RCAN2: variants seen among roughly 807,000 people sequenced by gnomAD.
RCAN2 encodes regulator of calcineurin 2, also known as calcipressin-2.
Under a neutral mutation model 23.6 loss-of-function variants are expected in RCAN2, and 9 were observed. The ratio of observed to expected loss-of-function variants is 0.38; its 90% CI spans 0.23 to 0.67. RCAN2 has a LOEUF of 0.67. Among genes scored for constraint, RCAN2 ranks in the 30% least tolerant of loss-of-function variants. RCAN2 has a pLI of 0.51. For synonymous variants in RCAN2, 109 were observed against 115.7 expected (o/e 0.94, Z 0.37); for missense variants, 273 against 302.3 (o/e 0.90, Z 0.72).
At chr6:46,227,211 G>T (rs1256342193) in intron 4 of RCAN2, among the ~76,000 whole-genome samples, 2 of 152,114 alleles carry the variant, frequency 1.3e-5, no homozygotes, top group African/African-American at 2.4e-5. Flanking sequence ...GAGGATTTTT[G>T]CATTGATGTT....
chr6:46,427,822 T>A (rs900682151), intron 2 of RCAN2, among the ~76,000 whole-genome samples: 2 of 152,382 alleles, frequency 1.3e-5, no homozygotes, highest in Admixed American at 1.3e-4. Context: ...AGACATTGTC[T>A]GTTGATTCCA....
At chr6:46,291,434 C>A (rs564549996) in intron 2 of RCAN2, among the ~76,000 whole-genome samples, 47 of 151,874 alleles carry the variant, frequency 3.1e-4, no homozygotes, top group African/African-American at 9.4e-4. Flanking sequence ...GCCACCGAGT[C>A]CCAGCGGTGG....
At chr6:46,241,628 A>C (rs1300291371) in intron 4 of RCAN2, among the ~76,000 whole-genome samples, 1 of 152,204 alleles carries the variant, frequency 6.6e-6, no homozygotes, top group Admixed American at 6.5e-5. Flanking sequence ...AGCAATCTTA[A>C]ATTTCTTCTA....
intron 2 of RCAN2, among the ~76,000 whole-genome samples, chr6:46,425,839 C>T (rs866291520): frequency 1.3e-5 from 2 of 151,392 alleles, no homozygotes; most frequent in Admixed American, 6.6e-5. Context: ...TGGTTCACTT[C>T]GCAATAGCTT....
intron 2 of RCAN2, among the ~76,000 whole-genome samples, chr6:46,255,857 G>A (rs1254635868): frequency 6.6e-6 from 1 of 152,172 alleles, no homozygotes; most frequent in Non-Finnish European, 1.5e-5. Flanking sequence ...TAGAAGCATA[G>A]GAGGAAGCCA....
intron 1 of RCAN2, among the ~76,000 whole-genome samples, chr6:46,473,671 A>AT (rs745647847): frequency 2.0e-5 from 3 of 152,098 alleles, no homozygotes; most frequent in Non-Finnish European, 4.4e-5. Flanking sequence ...CTAACTTGGG[A>AT]TTTTTTTAAC....
intron 2 of RCAN2, among the ~76,000 whole-genome samples, chr6:46,339,394 TG>T (rs1764235791): frequency 6.6e-6 from 1 of 151,880 alleles, no homozygotes; most frequent in Non-Finnish European, 1.5e-5. Context: ...GAGAGGTAAG[TG>T]GTTTTTTAGT....
chr6:46,252,244 C>G (rs1364946909), intron 2 of RCAN2, among the ~76,000 whole-genome samples: 1 of 152,176 alleles, frequency 6.6e-6, no homozygotes, highest in African/African-American at 2.4e-5. Flanking sequence ...AAAGCACTAG[C>G]TGTAGGAATT....
chr6:46,233,872 C>T (rs2150309842), intron 4 of RCAN2, among the ~76,000 whole-genome samples: 1 of 152,120 alleles, frequency 6.6e-6, no homozygotes, highest in South Asian at 2.1e-4. Flanking sequence ...GGATTACAGG[C>T]ACCTACGATC....
intron 2 of RCAN2, among the ~76,000 whole-genome samples, chr6:46,387,342 C>A (rs1447323837): frequency 6.6e-6 from 1 of 151,990 alleles, no homozygotes; most frequent in Non-Finnish European, 1.5e-5. Context: ...AAAATTTTTG[C>A]AATCTACTCA....
chr6:46,352,490 G>A (rs556287162), intron 2 of RCAN2, among the ~76,000 whole-genome samples: 5 of 152,174 alleles, frequency 3.3e-5, no homozygotes, highest in Admixed American at 1.3e-4. Flanking sequence ...AGGCTTCATC[G>A]GCCTCTCCCC....
Position 46,259,059 on chromosome 6 carries a change from AC to A in RCAN2, c.226-10164del, listed in dbSNP as rs1177082775. Among the ~76,000 whole-genome samples the A allele has an allele frequency of 2.6e-5, 4 of 152,174 alleles. No homozygotes were observed. The East Asian group carries it at 7.8e-4, about 30-fold the overall frequency. On this transcript the variant is annotated intron_variant, in intron 2 of 4. Transcript: ENST00000371374. ...AAATTAGCCTGGCACAGTGGTGCGC[AC>A]CTGTGGACTCAGCCACTCTGGAGGC...
intron 1 of RCAN2, among the ~76,000 whole-genome samples, chr6:46,464,979 T>G (rs1039382604): frequency 1.3e-5 from 2 of 151,692 alleles, no homozygotes; most frequent in Non-Finnish European, 2.9e-5. Context: ...ACCTGCAGGA[T>G]TTTAATGCCC....
chr6:46,245,091 G>T (rs143820675), intron 4 of RCAN2, among the ~76,000 whole-genome samples: 3 of 152,164 alleles, frequency 2.0e-5, no homozygotes, highest in Non-Finnish European at 4.4e-5. Flanking sequence ...TCAGGATCCT[G>T]GATGTGAACC....
chr6:46,483,550 G>A (rs888072802), intron 1 of RCAN2, among the ~76,000 whole-genome samples: 1 of 152,188 alleles, frequency 6.6e-6, no homozygotes, highest in African/African-American at 2.4e-5. Context: ...CACAAGGTCA[G>A]AAGGTCAGCC....
intron 2 of RCAN2, among the ~76,000 whole-genome samples, chr6:46,367,021 G>GCATATATATATATATATA (rs1458476806): frequency 3.0e-4 from 12 of 40,192 alleles, no homozygotes; most frequent in Non-Finnish European, 5.5e-4. Context: ...TATCTGGGAT[G>GCATATATATATATATATA]GATATATATA....
chr6:46,378,778 A>G (rs1217639492), intron 2 of RCAN2, among the ~76,000 whole-genome samples: 3 of 152,178 alleles, frequency 2.0e-5, no homozygotes, highest in Non-Finnish European at 4.4e-5. Flanking sequence ...GCTTCTCATT[A>G]AAGACACTAA....
intron 2 of RCAN2, among the ~76,000 whole-genome samples, chr6:46,288,831 G>A (rs1403191359): frequency 1.3e-5 from 2 of 152,234 alleles, no homozygotes; most frequent in East Asian, 3.8e-4. Flanking sequence ...TAGACTGAAA[G>A]TTCCATGAGG....
chr6:46,375,279 A>G (rs1050506295), intron 2 of RCAN2, among the ~76,000 whole-genome samples: 2 of 152,214 alleles, frequency 1.3e-5, no homozygotes, highest in African/African-American at 2.4e-5. Flanking sequence ...ATGAGGTTCC[A>G]TAAAGATTCC....
Sources: gnomAD v4.1 joint callset for allele counts (sites outside exome capture counted in the v4.1 genomes callset) on GRCh38, gnomAD v4.1.1 for gene constraint, MANE v1.5 for transcripts, NCBI Gene and HGNC (gene_info 2026-07-23, HGNC 2026-07-21) for gene names.